Variants in MYO5B observed in about 807,000 individuals in gnomAD.
MYO5B encodes the protein myosin VB, also known as unconventional myosin-Vb.
A neutral mutation model predicts 229.3 loss-of-function variants in MYO5B; 143 were observed. That is an observed-to-expected ratio of 0.62 (90% CI 0.54 to 0.72). The LOEUF (loss-of-function observed/expected upper bound fraction) is 0.72, where lower values mean the gene tolerates loss of function less well. Ranked by LOEUF, MYO5B falls within the 30% of genes least tolerant of loss-of-function variation. MYO5B has a pLI of 0.00. For synonymous variants in MYO5B, 918 were observed against 885.2 expected (o/e 1.04, Z -0.66); for missense variants, 2,321 against 2,331.0 (o/e 1.00, Z 0.09).
chr18:50,067,516 A>G (rs75681161), intron 1 of MYO5B, among the ~76,000 whole-genome samples: 1 of 152,094 alleles, frequency 6.6e-6, no homozygotes, highest in African/African-American at 2.4e-5. Context: ...TCAATCCCCA[A>G]TATTGGAGAT....
Position 49,906,269 on chromosome 18 carries a change from C to G in MYO5B, c.2414+150G>C, listed in dbSNP as rs888426481. 4 of 751,666 alleles carry G rather than the reference C, an allele frequency of 5.3e-6. No homozygotes were observed. The African/African-American group carries it at 6.9e-5, about 13-fold the overall frequency. 46.6% of individuals were successfully genotyped at this position (751,666 alleles called of 1,614,324 possible). On this transcript the variant is annotated intron_variant, in intron 19 of 39. Transcript: ENST00000285039. ...AAGGCATTGATTATAGGGATAGGCC[C>G]AGCTGCCGAGGAAAAGCCAAGATGC...
At chr18:50,115,547 G>GACACAC (rs56886992) in intron 1 of MYO5B, among the ~76,000 whole-genome samples, 26 of 125,180 alleles carry the variant, frequency 2.1e-4, no homozygotes, top group East Asian at 6.7e-4. Context: ...CACACAGAGA[G>GACACAC]ACACACACAC....
rs369134786 is a variant in MYO5B at position 49,962,278 on chromosome 18, A to G, written c.1533T>C (p.Asp511=). The change falls in exon 12 of 40, where the codon GAT becomes GAC. Residue 511 remains aspartate (D), a synonymous_variant. Coordinates refer to ENST00000285039, the MANE Select transcript of MYO5B (RefSeq NM_001080467.3). ...TCATCAGTTTTACCTTACATTCTTC[A>G]TCCAACAGGTCCAAGATACCCAGCT... ...EAKLGILDLL[D]EECKVPKGTD... 2.0e-5 allele frequency: 33 copies of G among 1,614,188 alleles called. No homozygotes were observed. Among genetic ancestry groups the G allele is most frequent in the Admixed American group, 8.3e-5 (5 of 60,014 alleles).
At chr18:50,169,564 C>T (rs1368359412) in intron 1 of MYO5B, among the ~76,000 whole-genome samples, 3 of 127,188 alleles carry the variant, frequency 2.4e-5, no homozygotes. Flanking sequence ...CTGTAATCTA[C>T]ACAAACTGTC....
rs751665071 is a variant in MYO5B at position 49,879,043 on chromosome 18, G to A, written c.3178C>T (p.Leu1060=). 34 of 1,597,124 alleles carry A rather than the reference G, an allele frequency of 2.1e-5. No homozygotes were observed. Among genetic ancestry groups the A allele is most frequent in the Non-Finnish European group, 2.9e-5 (34 of 1,174,970 alleles). Residue 1060 remains leucine, a synonymous_variant, in exon 24 of 40, where the codon CTG becomes TTG. Transcript: ENST00000285039. ...SVKENLMKKE[L]EEERSRYQNL... is the part of the protein sequence containing the mutation. ...TGGTACCGGGATCGCTCCTCCTCCA[G>A]TTCTTTCTTCATGAGATTTTCCTTC...
chr18:50,078,685 C>A (rs905513724), intron 1 of MYO5B, among the ~76,000 whole-genome samples: 1 of 152,160 alleles, frequency 6.6e-6, no homozygotes, highest in Admixed American at 6.5e-5. Flanking sequence ...GCAGTATCTG[C>A]TAAAGCTGAG....
intron 5 of MYO5B, among the ~76,000 whole-genome samples, chr18:49,999,462 C>T (rs1282955547): frequency 2.0e-5 from 3 of 152,168 alleles, no homozygotes; most frequent in Non-Finnish European, 4.4e-5. Flanking sequence ...AATGAAATGT[C>T]AGAAAAGAAG....
chr18:50,076,943 C>A (rs12454692), intron 1 of MYO5B, among the ~76,000 whole-genome samples: 151,451 of 151,456 alleles, frequency 1, 75,723 homozygotes, highest in Non-Finnish European at 1. Flanking sequence ...AAAAAAAAAT[C>A]CAATAGTATA....
chr18:50,097,020 C>T (rs1342812424), intron 1 of MYO5B, among the ~76,000 whole-genome samples: 1 of 152,230 alleles, frequency 6.6e-6, no homozygotes, highest in Non-Finnish European at 1.5e-5. Flanking sequence ...GGGAAACCAA[C>T]ACTGCAGCAT....
At chr18:49,922,265 T>C (rs2025083420) in intron 17 of MYO5B, among the ~76,000 whole-genome samples, 1 of 152,200 alleles carries the variant, frequency 6.6e-6, no homozygotes, top group South Asian at 2.1e-4. Flanking sequence ...AGTAGGCATA[T>C]ACCAATCTCC....
At chr18:50,055,225 G>GGCCCCCCCCCCCCCCCCCCCCCCCCCC in intron 2 of MYO5B, 43 bp downstream of exon 2, 6 of 700,374 alleles carry the variant, frequency 8.6e-6, no homozygotes, top group East Asian at 2.7e-5. Flanking sequence ...TGAGCTCCCT[G>GGCCCCCCCCCCCCCCCCCCCCCCCCCC]CCCCACCTCA....
At chr18:49,964,488 T>C (rs1047793954) in intron 10 of MYO5B, among the ~76,000 whole-genome samples, 2 of 152,322 alleles carry the variant, frequency 1.3e-5, no homozygotes, top group South Asian at 4.1e-4. Context: ...AATTTCCCCA[T>C]GCTCCATTCG....
At chr18:50,080,657 C>G (rs982385677) in intron 1 of MYO5B, among the ~76,000 whole-genome samples, 3 of 152,128 alleles carry the variant, frequency 2.0e-5, no homozygotes, top group Non-Finnish European at 2.9e-5. Context: ...ACTGAAAAAG[C>G]CTATTGAATC....
At chr18:50,088,509 A>G (rs2031379460) in intron 1 of MYO5B, among the ~76,000 whole-genome samples, 2 of 152,248 alleles carry the variant, frequency 1.3e-5, no homozygotes, top group African/African-American at 4.8e-5. Context: ...GTTCCTCTTC[A>G]TTTAACTCCA....
chr18:49,855,059 G>T (rs2024244903), intron 30 of MYO5B, among the ~76,000 whole-genome samples: 1 of 152,168 alleles, frequency 6.6e-6, no homozygotes, highest in Non-Finnish European at 1.5e-5. Context: ...ATTAAATCAG[G>T]ATTTTAAATG....
At chr18:50,147,345 C>T (rs1160339288) in intron 1 of MYO5B, among the ~76,000 whole-genome samples, 1 of 152,172 alleles carries the variant, frequency 6.6e-6, no homozygotes, top group East Asian at 1.9e-4. Context: ...AAGCAGGTTT[C>T]TCCTCTAATC....
At chr18:50,041,618 GTATTCT>G (rs1568082331) in intron 2 of MYO5B, among the ~76,000 whole-genome samples, 2 of 152,058 alleles carry the variant, frequency 1.3e-5, no homozygotes, top group South Asian at 2.1e-4. Flanking sequence ...AATTAGACCA[GTATTCT>G]TATTCTTATT....
intron 22 of MYO5B, among the ~76,000 whole-genome samples, chr18:49,890,847 G>A (rs746785171): frequency 6.6e-6 from 1 of 152,172 alleles, no homozygotes. Context: ...AGTAAGCATA[G>A]TATAAATTTG....
chr18:50,116,253 T>C (rs958390787), intron 1 of MYO5B, among the ~76,000 whole-genome samples: 1 of 152,150 alleles, frequency 6.6e-6, no homozygotes, highest in Non-Finnish European at 1.5e-5. Flanking sequence ...AACAGCCTTC[T>C]CTCTGCAGTA....
Sources: allele counts gnomAD v4.1 joint callset (sites outside exome capture counted in the v4.1 genomes callset), GRCh38; gene constraint gnomAD v4.1.1; transcripts MANE v1.5; gene names NCBI Gene and HGNC (gene_info 2026-07-23, HGNC 2026-07-21).